The following GCNT2 variants were observed in gnomAD, a reference collection of about 807,000 sequenced individuals.
GCNT2 encodes glucosaminyl (N-acetyl) transferase 2 (I blood group).
In GCNT2, 34 loss-of-function variants were observed where a neutral mutation model predicts 34.2. The observed-to-expected ratio is 1.00, with a 90% CI of 0.76 to 1.32. The LOEUF (loss-of-function observed/expected upper bound fraction) is 1.32. Among genes scored for constraint, GCNT2 ranks in the 40% most tolerant of loss-of-function variants. The pLI, the probability that GCNT2 is intolerant of heterozygous loss-of-function variation, is 0.00. For synonymous variants in GCNT2, 212 were observed against 188.0 expected, an observed-to-expected ratio of 1.13 and a Z score of -1.04; for missense variants, 584 against 489.4, an observed-to-expected ratio of 1.19 and a Z score of -1.82.
At chr6:10,620,250 C>T (rs528916806) in intron 3 of GCNT2, among the ~76,000 whole-genome samples, 1 of 152,118 alleles carries the variant, frequency 6.6e-6, no homozygotes, top group Admixed American at 6.5e-5. Flanking sequence ...TAAGAGAGGA[C>T]TATTGAAATT....
chr6:10,579,917 C>T (rs981338447), intron 3 of GCNT2, among the ~76,000 whole-genome samples: 2 of 151,742 alleles, frequency 1.3e-5, no homozygotes, highest in Non-Finnish European at 2.9e-5. Context: ...TCACACAGCT[C>T]TGCGTTTGTA....
At chr6:10,577,626 C>T (rs796102944) in intron 3 of GCNT2, among the ~76,000 whole-genome samples, 12 of 152,222 alleles carry the variant, frequency 7.9e-5, no homozygotes, top group African/African-American at 2.2e-4. Context: ...CTGAAACCTT[C>T]GCCTCCTGGG....
chr6:10,547,352 G>T (rs1416712549), intron 3 of GCNT2, among the ~76,000 whole-genome samples: 1 of 152,132 alleles, frequency 6.6e-6, no homozygotes, highest in Non-Finnish European at 1.5e-5. Context: ...TGTCCTTCAT[G>T]AATCTGGGAT....
chr6:10,574,210 T>C (rs1354182377), intron 3 of GCNT2, among the ~76,000 whole-genome samples: 1 of 152,110 alleles, frequency 6.6e-6, no homozygotes, highest in African/African-American at 2.4e-5. Context: ...TGCCCTGGCA[T>C]ATCTCGGACT....
rs934167844 is a variant in GCNT2, at chr6:10,589,224, G to A, written c.926-32127G>A. Among the ~76,000 whole-genome samples the A allele has an allele frequency of 5.5e-5, 8 of 145,874 alleles. 1 individual carries two copies. Among genetic ancestry groups the A allele is most frequent in the African/African-American group, 1.8e-4 (7 of 39,392 alleles). On this transcript the variant is annotated intron_variant, in intron 3 of 4. Coordinates refer to ENST00000495262, the MANE Select transcript of GCNT2 (RefSeq NM_145649.5). ...GGTGTGTGTGGTGTGTGTGTTTGCA[G>A]TGTATGTATCTGGTGTGTGTGTGGT...
chr6:10,556,682 T>C (rs745450757), intron 3 of GCNT2: 2 of 1,614,024 alleles, frequency 1.2e-6, no homozygotes, highest in South Asian at 2.2e-5. Flanking sequence ...AGCCCCTTTA[T>C]CTAAGGAAGA....
intron 3 of GCNT2, among the ~76,000 whole-genome samples, chr6:10,571,098 A>C (rs1412399703): frequency 6.6e-6 from 1 of 152,122 alleles, no homozygotes; most frequent in African/African-American, 2.4e-5. Context: ...AAATTTGGAG[A>C]TTGTGAGCCA....
At chr6:10,547,794 A>G (rs544306993) in intron 3 of GCNT2, among the ~76,000 whole-genome samples, 26 of 152,202 alleles carry the variant, frequency 1.7e-4, no homozygotes, top group Non-Finnish European at 3.4e-4. Context: ...ACATTCAACT[A>G]TTAGGTAGAG....
intron 3 of GCNT2, among the ~76,000 whole-genome samples, chr6:10,580,420 T>C (rs1478126432): frequency 6.6e-6 from 1 of 152,182 alleles, no homozygotes; most frequent in East Asian, 1.9e-4. Flanking sequence ...CTGTAGGCAT[T>C]TGAGTGCCTG....
At chr6:10,621,109 A>G (rs9295606) in intron 3 of GCNT2, among the ~76,000 whole-genome samples, 2,277 of 152,272 alleles carry the variant, frequency 0.015, 46 homozygotes, top group African/African-American at 0.05. Context: ...TAGTATATTG[A>G]TTTGTATATT....
At chr6:10,579,826 C>CAAAAAAA (rs61490868) in intron 3 of GCNT2, among the ~76,000 whole-genome samples, 44 of 89,874 alleles carry the variant, frequency 4.9e-4, no homozygotes, top group South Asian at 2.4e-3. Flanking sequence ...AAAAAACAAA[C>CAAAAAAA]AAAAAAAAAA....
chr6:10,626,310 T>C (rs1467760993), intron 4 of GCNT2, 107 bp from the exon 5 acceptor site: 8 of 814,756 alleles, frequency 9.8e-6, no homozygotes, highest in African/African-American at 1.7e-5. Flanking sequence ...TCCTGTACCA[T>C]TGGCACAGTT....
At chr6:10,539,444 C>A (rs983606028) in intron 3 of GCNT2, among the ~76,000 whole-genome samples, 2 of 152,036 alleles carry the variant, frequency 1.3e-5, no homozygotes, top group African/African-American at 2.4e-5. Context: ...CCACCTCAGC[C>A]TCCCAAAGTG....
chr6:10,535,394 C>T (rs1761708757), intron 3 of GCNT2, among the ~76,000 whole-genome samples: 1 of 152,174 alleles, frequency 6.6e-6, no homozygotes, highest in Non-Finnish European at 1.5e-5. Context: ...TTTTTCCTCT[C>T]CCCACTTCCG....
chr6:10,541,597 T>C (rs1762039150), intron 3 of GCNT2, among the ~76,000 whole-genome samples: 2 of 152,190 alleles, frequency 1.3e-5, no homozygotes, highest in African/African-American at 2.4e-5. Flanking sequence ...TAAGGGAAGT[T>C]AGCAGAGTTA....
chr6:10,559,665 C>T (rs942369444), intron 3 of GCNT2, among the ~76,000 whole-genome samples: 1 of 152,266 alleles, frequency 6.6e-6, no homozygotes, highest in East Asian at 1.9e-4. Flanking sequence ...AAGCGCATCC[C>T]ATTTCCCTTG....
At chr6:10,578,482 T>C (rs1763925026) in intron 3 of GCNT2, among the ~76,000 whole-genome samples, 1 of 133,376 alleles carries the variant, frequency 7.5e-6, no homozygotes, top group Admixed American at 7.7e-5. Context: ...GGAGTCTCGC[T>C]GTCGCCCAGG....
chr6:10,540,946 G>A (rs1762011202), intron 3 of GCNT2, among the ~76,000 whole-genome samples: 1 of 152,096 alleles, frequency 6.6e-6, no homozygotes, highest in African/African-American at 2.4e-5. Context: ...TTAGTCATCT[G>A]ATTGCTAGGG....
chr6:10,542,416 T>A (rs60959105), intron 3 of GCNT2, among the ~76,000 whole-genome samples: 31,908 of 151,960 alleles, frequency 0.21, 5,054 homozygotes, highest in African/African-American at 0.45. Context: ...CACCCACTTT[T>A]GTGTACAATG....
Sources: gnomAD v4.1 joint callset for allele counts (sites outside exome capture counted in the v4.1 genomes callset) on GRCh38, gnomAD v4.1.1 for gene constraint, MANE v1.5 for transcripts, NCBI Gene and HGNC (gene_info 2026-07-23, HGNC 2026-07-21) for gene names.